ZC3H12D: variants seen among roughly 807,000 people sequenced by gnomAD.
ZC3H12D encodes the protein probable ribonuclease ZC3H12D.
In ZC3H12D, 11 loss-of-function variants were observed where a neutral mutation model predicts 24.2. That is an observed-to-expected ratio of 0.46 (90% confidence interval 0.29 to 0.75). The LOEUF is 0.75. Among genes scored for constraint, ZC3H12D ranks in the 30% least tolerant of loss-of-function variants. The pLI is 0.11. For synonymous variants in ZC3H12D, 333 were observed against 341.8 expected (o/e 0.97, Z 0.28); for missense variants, 740 against 767.7 (o/e 0.96, Z 0.43).
intron 1 of ZC3H12D, among the ~76,000 whole-genome samples, chr6:149,477,541 T>C (rs1776360793): frequency 6.6e-6 from 1 of 152,256 alleles, no homozygotes; most frequent in Admixed American, 6.5e-5. Flanking sequence ...AAACTATCTG[T>C]TCCCTTAGGC....
chr6:149,481,000 G>A (rs1055196643), intron 1 of ZC3H12D, among the ~76,000 whole-genome samples: 2 of 151,662 alleles, frequency 1.3e-5, no homozygotes, highest in Non-Finnish European at 2.9e-5. Flanking sequence ...CTCTCAGGAC[G>A]GTTGTCCCCT....
chr6:149,463,482 AGGTGGAT>A (rs1776106633), intron 2 of ZC3H12D, among the ~76,000 whole-genome samples: 1 of 152,050 alleles, frequency 6.6e-6, no homozygotes, highest in Non-Finnish European at 1.5e-5. Flanking sequence ...AGGCCGAGGC[AGGTGGAT>A]CATGAGGTCA....
Position 149,450,954 on chromosome 6 carries a change from G to T in ZC3H12D, c.1313C>A (p.Ala438Asp). 6.5e-7 allele frequency: 1 copy of T among 1,530,984 alleles called. No individual in the cohort carries two copies. Among genetic ancestry groups the T allele is most frequent in the South Asian group, 1.2e-5 (1 of 83,336 alleles). 94.8% of individuals were successfully genotyped at this position (1,530,984 alleles called of 1,614,324 possible). A position where few individuals can be genotyped will look rare whatever the true frequency, so the allele number is the denominator to read the frequency against. ...SPRRPPDDPWARPPRSDRFPG... is the reference protein window; with the variant it reads ...SPRRPPDDPWDRPPRSDRFPG... ...GAAGCGGTCGGAGCGGGGTGGACGG[G>T]CCCACGGGTCGTCGGGTGGCCTGCG... The change falls in exon 6 of 6, where the codon GCC becomes GAC. Residue 438 changes from alanine to aspartate, a missense_variant. Physicochemically the swap from Ala to Asp is moderately radical, Grantham distance 126. Coordinates refer to ENST00000409806, the MANE Select transcript of ZC3H12D (RefSeq NM_207360.3).
chr6:149,459,557 C>G (rs997185228), intron 3 of ZC3H12D: 7 of 716,916 alleles, frequency 9.8e-6, no homozygotes, highest in Non-Finnish European at 1.6e-5. Context: ...TCTTGGAGCA[C>G]TTCTGGTGGT....
intron 4 of ZC3H12D, among the ~76,000 whole-genome samples, chr6:149,454,648 A>C (rs557632505): frequency 6.6e-6 from 1 of 152,250 alleles, no homozygotes; most frequent in Non-Finnish European, 1.5e-5. Flanking sequence ...CTCGCTCACA[A>C]GCGGGCGGCA....
At chr6:149,474,097 C>T in intron 2 of ZC3H12D, 142 bp downstream of exon 2, 1 of 623,252 alleles carries the variant, frequency 1.6e-6, no homozygotes, top group Non-Finnish European at 2.5e-6. Flanking sequence ...CACACAGTTA[C>T]TAAGAGATGG....
intron 2 of ZC3H12D, among the ~76,000 whole-genome samples, chr6:149,466,167 T>C (rs893388183): frequency 6.6e-6 from 1 of 151,906 alleles, no homozygotes; most frequent in African/African-American, 2.4e-5. Flanking sequence ...GCCACTTCCA[T>C]GTTTCCCGTT....
intron 1 of ZC3H12D, among the ~76,000 whole-genome samples, chr6:149,482,684 A>AG (rs1358062265): frequency 2.0e-5 from 3 of 152,132 alleles, no homozygotes; most frequent in Admixed American, 6.5e-5. Context: ...AAGGGCCCTG[A>AG]GGAAAAGAGA....
chr6:149,474,636 C>A, intron 1 of ZC3H12D, 23 bp from the exon 2 acceptor site: 1 of 1,237,666 alleles, frequency 8.1e-7, no homozygotes. Context: ...AAAATGCATC[C>A]ATCAGGTGTT....
chr6:149,466,050 G>A (rs1191911143), intron 2 of ZC3H12D, among the ~76,000 whole-genome samples: 1 of 152,142 alleles, frequency 6.6e-6, no homozygotes, highest in African/African-American at 2.4e-5. Flanking sequence ...TGAGTCTGAA[G>A]CCACACCCCA....
chr6:149,464,052 G>C (rs1232852664), intron 2 of ZC3H12D, among the ~76,000 whole-genome samples: 1 of 152,238 alleles, frequency 6.6e-6, no homozygotes, highest in Non-Finnish European at 1.5e-5. Context: ...GGCCGTCTCT[G>C]TGTAAGCAAT....
Position 149,450,440 on chromosome 6 carries a change from A to C in ZC3H12D, c.*243T>G. ...CCCGCAGTCTCCGTGCACATGGAAA[A>C]TCATTCCCTCCACGGAAGTGGGTGG... On this transcript the variant is annotated 3_prime_UTR_variant, in exon 6 of 6. Coordinates refer to ENST00000409806, the MANE Select transcript of ZC3H12D (RefSeq NM_207360.3). The C allele has an allele frequency of 2.0e-6, 1 of 491,640 alleles. No homozygotes were observed. Among genetic ancestry groups the C allele is most frequent in the Non-Finnish European group, 3.6e-6 (1 of 279,784 alleles). 30.5% of individuals were successfully genotyped at this position (491,640 alleles called of 1,614,324 possible). A position where few individuals can be genotyped will look rare whatever the true frequency, so the allele number is the denominator to read the frequency against.
intron 2 of ZC3H12D, among the ~76,000 whole-genome samples, chr6:149,473,677 G>A (rs1390655126): frequency 6.6e-6 from 1 of 152,162 alleles, no homozygotes; most frequent in Non-Finnish European, 1.5e-5. Context: ...CCGCAACACC[G>A]CCTCCCCAGC....
Position 149,474,492 on chromosome 6 carries a change from C to T in ZC3H12D, c.52G>A (p.Glu18Lys). 6.4e-7 allele frequency: 1 copy of T among 1,566,318 alleles called. No individual in the cohort carries two copies. Among genetic ancestry groups the T allele is most frequent in the Non-Finnish European group, 8.7e-7 (1 of 1,149,102 alleles). ...EFFQKLGYDR[E>K]DVLRVLGKLG... Reference sequence around the variant, plus strand: ...TTGCCCAACACCCGGAGCACATCCTCCCGGTCATAGCCCAGCTTCTGGAAG... The same window carrying T: ...TTGCCCAACACCCGGAGCACATCCTTCCGGTCATAGCCCAGCTTCTGGAAG... Residue 18 changes from glutamate (E) to lysine (K), a missense_variant, in exon 2 of 6, where the codon GAG (glutamate) becomes AAG (lysine). Transcript: ENST00000409806.
chr6:149,461,643 G>C, intron 3 of ZC3H12D, 188 bp downstream of exon 3: 2 of 447,242 alleles, frequency 4.5e-6, no homozygotes, highest in Non-Finnish European at 7.5e-6. Flanking sequence ...CAGGTGTTAC[G>C]CTAGGTGCTA....
chr6:149,463,570 G>A (rs1257511964), intron 2 of ZC3H12D, among the ~76,000 whole-genome samples: 4 of 152,356 alleles, frequency 2.6e-5, no homozygotes, highest in South Asian at 2.1e-4. Context: ...TTAGCCAGGC[G>A]TGGTGGCGCA....
intron 2 of ZC3H12D, among the ~76,000 whole-genome samples, chr6:149,466,574 A>G (rs1448348822): frequency 6.6e-6 from 1 of 151,706 alleles, no homozygotes; most frequent in Non-Finnish European, 1.5e-5. Flanking sequence ...CACCACCACA[A>G]TTATTTTAAA....
intron 1 of ZC3H12D, among the ~76,000 whole-genome samples, chr6:149,477,293 A>G (rs1037741961): frequency 6.6e-6 from 1 of 152,258 alleles, no homozygotes; most frequent in Non-Finnish European, 1.5e-5. Flanking sequence ...CCCCCTGGAC[A>G]GAGAGGCCTC....
chr6:149,481,215 G>T (rs1386172313), intron 1 of ZC3H12D, among the ~76,000 whole-genome samples: 2 of 151,296 alleles, frequency 1.3e-5, no homozygotes, highest in Admixed American at 6.6e-5. Context: ...CCCTCCCCAC[G>T]CAGGCACTGT....
Sources: allele counts gnomAD v4.1 joint callset (sites outside exome capture counted in the v4.1 genomes callset), GRCh38; gene constraint gnomAD v4.1.1; transcripts MANE v1.5; gene names NCBI Gene and HGNC (gene_info 2026-07-23, HGNC 2026-07-21).